The following ZFPM2 variants were observed in gnomAD, a reference collection of about 807,000 sequenced individuals.
ZFPM2 encodes the protein zinc finger protein ZFPM2.
ZFPM2 carries 20 observed loss-of-function variants against 98.6 expected under a neutral mutation model. The ratio of observed to expected loss-of-function variants is 0.20; its 90% CI spans 0.14 to 0.29. The LOEUF is 0.29. Ranked by LOEUF, ZFPM2 falls within the 10% of genes least tolerant of loss-of-function variation. The pLI, the probability that ZFPM2 is intolerant of heterozygous loss-of-function variation, is 1.00. For missense variants in ZFPM2, 1,310 were observed against 1,388.6 expected (o/e 0.94, Z 0.90); for synonymous variants, 518 against 502.7 (o/e 1.03, Z -0.41).
At position 105,339,087 on chromosome 8, in the gene ZFPM2, A is replaced by G. The variant is rs189025027; in HGVS notation, c.40+20106A>G. On this transcript the variant is annotated intron_variant, in intron 1 of 7. Coordinates refer to ENST00000407775, the MANE Select transcript of ZFPM2 (RefSeq NM_012082.4). ...AGAATTAATATGTGGATAAAAATCT[A>G]TGTTTTCAAAGCTCTTACAGCATTG... 2.2e-3 allele frequency among the ~76,000 whole-genome samples: 338 copies of G among 151,912 alleles called. 4 individuals carry two copies. Among genetic ancestry groups the G allele is most frequent in the Non-Finnish European group, 4.1e-3 (275 of 67,842 alleles).
At chr8:105,702,246 A>G (rs1179024659) in intron 5 of ZFPM2, among the ~76,000 whole-genome samples, 2 of 152,234 alleles carry the variant, frequency 1.3e-5, no homozygotes, top group Non-Finnish European at 2.9e-5. Context: ...ATTAATTTTA[A>G]GAAACGGGTT....
chr8:105,589,325 A>G (rs1189260907), intron 4 of ZFPM2, among the ~76,000 whole-genome samples: 1 of 152,216 alleles, frequency 6.6e-6, no homozygotes, highest in African/African-American at 2.4e-5. Flanking sequence ...AATGCACATA[A>G]CAATACATTT....
chr8:105,510,994 C>G (rs1813807006), intron 3 of ZFPM2, among the ~76,000 whole-genome samples: 1 of 152,306 alleles, frequency 6.6e-6, no homozygotes, highest in African/African-American at 2.4e-5. Flanking sequence ...CAGGCAGTTC[C>G]TTGGTGTTGA....
chr8:105,568,108 C>G (rs1328690756), intron 4 of ZFPM2, among the ~76,000 whole-genome samples: 1 of 152,038 alleles, frequency 6.6e-6, no homozygotes, highest in Admixed American at 6.6e-5. Context: ...CCTCAGGGAG[C>G]TTATCCACTT....
intron 3 of ZFPM2, among the ~76,000 whole-genome samples, chr8:105,558,449 T>G (rs1260736638): frequency 2.6e-5 from 4 of 152,176 alleles, no homozygotes; most frequent in Admixed American, 2.6e-4. Context: ...TTACTGGACT[T>G]TCTGTTGTGG....
chr8:105,751,729 G>A (rs562540763), intron 5 of ZFPM2, among the ~76,000 whole-genome samples: 2 of 151,840 alleles, frequency 1.3e-5, no homozygotes, highest in South Asian at 4.2e-4. Flanking sequence ...GAGCGATGGA[G>A]GGCTACGTTT....
chr8:105,734,455 T>G (rs1427587486), intron 5 of ZFPM2, among the ~76,000 whole-genome samples: 1 of 151,928 alleles, frequency 6.6e-6, no homozygotes, highest in Non-Finnish European at 1.5e-5. Context: ...ATGTATGAAA[T>G]GTATGTTGTA....
chr8:105,525,258 G>T (rs961186196), intron 3 of ZFPM2, among the ~76,000 whole-genome samples: 1 of 152,180 alleles, frequency 6.6e-6, no homozygotes, highest in African/African-American at 2.4e-5. Context: ...TCCGTCAATA[G>T]TGTATACTGT....
At chr8:105,480,969 C>T (rs1010415360) in intron 3 of ZFPM2, among the ~76,000 whole-genome samples, 5 of 152,078 alleles carry the variant, frequency 3.3e-5, no homozygotes, top group African/African-American at 1.2e-4. Context: ...CCAAGATGGT[C>T]TCGAACTCCT....
chr8:105,647,452 T>G (rs1004066303), intron 5 of ZFPM2, among the ~76,000 whole-genome samples: 5 of 151,984 alleles, frequency 3.3e-5, no homozygotes, highest in African/African-American at 9.7e-5. Flanking sequence ...TATGTATACA[T>G]GTGCCATGCT....
intron 4 of ZFPM2, among the ~76,000 whole-genome samples, chr8:105,590,981 A>G (rs1815830325): frequency 6.6e-6 from 1 of 152,258 alleles, no homozygotes; most frequent in Non-Finnish European, 1.5e-5. Flanking sequence ...TAAGGTTATT[A>G]TAAGTATTTA....
At chr8:105,683,453 A>C (rs1172773505) in intron 5 of ZFPM2, among the ~76,000 whole-genome samples, 1 of 152,170 alleles carries the variant, frequency 6.6e-6, no homozygotes, top group Admixed American at 6.6e-5. Context: ...AAAGTAGAGA[A>C]ATTACACAAT....
At position 105,657,613 on chromosome 8, in the gene ZFPM2, C is replaced by CA. The variant is rs566515216; in HGVS notation, c.532+23264dup. On this transcript the variant is annotated intron_variant, in intron 5 of 7. Coordinates refer to ENST00000407775, the MANE Select transcript of ZFPM2 (RefSeq NM_012082.4). ...CTTCTATACAGGCTGAACTAAAGGGCAAAAAAAAGGGAAACACATTTTTTG... is the reference window on the plus strand; with the variant it reads ...CTTCTATACAGGCTGAACTAAAGGGCAAAAAAAAAGGGAAACACATTTTTTG... Among the ~76,000 whole-genome samples the CA allele has an allele frequency of 7.9e-4, 119 of 150,916 alleles. 2 individuals are homozygous for CA. The South Asian group carries it at 0.022, about 27-fold the overall frequency.
intron 5 of ZFPM2, among the ~76,000 whole-genome samples, chr8:105,769,714 A>G (rs1158430807): frequency 6.6e-6 from 1 of 151,902 alleles, no homozygotes; most frequent in Non-Finnish European, 1.5e-5. Context: ...CATAACCACA[A>G]TTTGTCCTTA....
Position 105,801,259 on chromosome 8 carries a change from A to G in ZFPM2, c.1177A>G (p.Arg393Gly). Residue 393 changes from arginine (R) to glycine (G), a missense_variant, in exon 8 of 8, where the codon AGA (arginine) becomes GGA (glycine). Transcript: ENST00000407775. ...ELHVPSGKLPRESDMEHSPSA... is the reference protein window; with the variant it reads ...ELHVPSGKLPGESDMEHSPSA... ...CCATGTCCCTAGCGGCAAACTTCCC[A>G]GAGAAAGTGACATGGAACACTCTCC... The G allele has an allele frequency of 6.2e-7, 1 of 1,613,968 alleles. No individual in the cohort carries two copies. Among genetic ancestry groups the G allele is most frequent in the Middle Eastern group, 1.6e-4 (1 of 6,062 alleles).
chr8:105,668,555 T>C (rs774392862), intron 5 of ZFPM2, among the ~76,000 whole-genome samples: 1 of 152,154 alleles, frequency 6.6e-6, no homozygotes, highest in Non-Finnish European at 1.5e-5. Context: ...CAACTGTACC[T>C]CCTTTTTTAG....
At chr8:105,405,616 T>A (rs1260104243) in intron 1 of ZFPM2, among the ~76,000 whole-genome samples, 1 of 152,054 alleles carries the variant, frequency 6.6e-6, no homozygotes, top group African/African-American at 2.4e-5. Context: ...AACTCATCAT[T>A]TTTTATGGCT....
intron 2 of ZFPM2, among the ~76,000 whole-genome samples, chr8:105,437,211 G>C (rs1024305130): frequency 8.5e-5 from 13 of 152,078 alleles, no homozygotes; most frequent in Non-Finnish European, 1.6e-4. Flanking sequence ...TTTATTTTGA[G>C]CTGTTAAATG....
intron 3 of ZFPM2, among the ~76,000 whole-genome samples, chr8:105,547,587 A>G (rs1814741641): frequency 6.8e-6 from 1 of 148,064 alleles, no homozygotes. Flanking sequence ...GAGTGTGTTT[A>G]AAGAAAGCTA....
Sources: allele counts gnomAD v4.1 joint callset (sites outside exome capture counted in the v4.1 genomes callset), GRCh38; gene constraint gnomAD v4.1.1; transcripts MANE v1.5; gene names NCBI Gene and HGNC (gene_info 2026-07-23, HGNC 2026-07-21).